STAB2: variants seen among roughly 807,000 people sequenced by gnomAD.
The protein encoded by STAB2 is stabilin-2.
In STAB2, 288 loss-of-function variants were observed where a neutral mutation model predicts 338.1. The ratio of observed to expected loss-of-function variants is 0.85; its 90% CI spans 0.77 to 0.94. The LOEUF (loss-of-function observed/expected upper bound fraction) is 0.94, where lower values mean the gene tolerates loss of function less well. STAB2 is among the 40% of genes least tolerant of loss of function. The pLI is 0.00. For synonymous variants in STAB2, 1,202 were observed against 1,193.3 expected (o/e 1.01, Z -0.15); for missense variants, 3,141 against 3,210.1 (o/e 0.98, Z 0.52).
intron 15 of STAB2, among the ~76,000 whole-genome samples, chr12:103,656,777 C>T (rs1158923220): frequency 1.3e-5 from 2 of 148,258 alleles, no homozygotes; most frequent in African/African-American, 2.5e-5. Flanking sequence ...AGCTCCGCTT[C>T]CCGGGTTCAC....
At chr12:103,627,272 A>C (rs1164417821) in intron 5 of STAB2, among the ~76,000 whole-genome samples, 1 of 152,178 alleles carries the variant, frequency 6.6e-6, no homozygotes, top group Non-Finnish European at 1.5e-5. Flanking sequence ...GTGGATCCTA[A>C]GAGTGATGAG....
At chr12:103,605,108 T>C (rs925633544) in intron 3 of STAB2, among the ~76,000 whole-genome samples, 12 of 151,922 alleles carry the variant, frequency 7.9e-5, no homozygotes, top group African/African-American at 2.9e-4. Flanking sequence ...AATCGGTTAC[T>C]TTTATGTATA....
chr12:103,707,461 A>G (rs568609639), intron 38 of STAB2, among the ~76,000 whole-genome samples: 1 of 152,372 alleles, frequency 6.6e-6, no homozygotes, highest in African/African-American at 2.4e-5. Flanking sequence ...GATGAGAGGC[A>G]GAACTGAGAA....
chr12:103,710,738 C>T (rs1244916014), intron 39 of STAB2, among the ~76,000 whole-genome samples: 1 of 152,230 alleles, frequency 6.6e-6, no homozygotes, highest in African/African-American at 2.4e-5. Context: ...CGACACAAAA[C>T]AGACCACTTT....
Position 103,695,540 on chromosome 12 carries a change from C to CT in STAB2, c.3376-4dup. 1 of 1,614,012 alleles carries CT rather than the reference C, an allele frequency of 6.2e-7. No homozygotes were observed. The highest frequency in any genetic ancestry group is 8.5e-7 in the Non-Finnish European group (1 of 1,179,968). On this transcript the variant is annotated splice_polypyrimidine_tract_variant and intron_variant, in intron 31 of 68. Transcript: ENST00000388887. The stretch of plus-strand genomic sequence containing the variant: ...ACATGCTAACAGGATTCTGGGGTTT[C>CT]TTTTTTCAGGTGCTGGTCCCACAAA...
intron 54 of STAB2, among the ~76,000 whole-genome samples, chr12:103,739,681 T>C (rs1882431629): frequency 6.6e-6 from 1 of 152,146 alleles, no homozygotes; most frequent in Admixed American, 6.5e-5. Context: ...ACCCATGTTC[T>C]AGGACCTGTC....
At chr12:103,667,480 A>G (rs1875230826) in intron 19 of STAB2, among the ~76,000 whole-genome samples, 3 of 152,242 alleles carry the variant, frequency 2.0e-5, no homozygotes, top group Non-Finnish European at 2.9e-5. Context: ...TGGCAGAACC[A>G]TGATTTGTTC....
intron 34 of STAB2, among the ~76,000 whole-genome samples, chr12:103,701,300 G>T (rs1444710924): frequency 6.6e-6 from 1 of 152,026 alleles, no homozygotes; most frequent in African/African-American, 2.4e-5. Context: ...TGTGAATAAT[G>T]CTGCAATAAA....
chr12:103,602,588 A>G (rs1260950006), intron 3 of STAB2, among the ~76,000 whole-genome samples: 1 of 152,232 alleles, frequency 6.6e-6, no homozygotes, highest in Non-Finnish European at 1.5e-5. Context: ...ATTTCTATCA[A>G]CAATGTATGA....
intron 11 of STAB2, among the ~76,000 whole-genome samples, chr12:103,651,628 TTG>T: frequency 6.6e-6 from 1 of 152,298 alleles, no homozygotes; most frequent in African/African-American, 2.4e-5. Context: ...TTGATTTTTA[TTG>T]TGTGTTCTTG....
At chr12:103,620,647 A>G in intron 4 of STAB2, 94 bp downstream of exon 4, 2 of 1,037,438 alleles carry the variant, frequency 1.9e-6, no homozygotes, top group Non-Finnish European at 2.9e-6. Flanking sequence ...ACACACACAC[A>G]CACACACGTG....
At chr12:103,660,177 A>G (rs11111705) in intron 15 of STAB2, among the ~76,000 whole-genome samples, 154 bp from the exon 16 acceptor site, 55,986 of 152,064 alleles carry the variant, frequency 0.37, 10,624 homozygotes, top group South Asian at 0.46. Context: ...GGTGAACGTT[A>G]GCTATTTGGA....
intron 5 of STAB2, among the ~76,000 whole-genome samples, chr12:103,624,714 G>C (rs1327827751): frequency 6.6e-6 from 1 of 152,148 alleles, no homozygotes; most frequent in Middle Eastern, 3.2e-3. Flanking sequence ...GCTAAAGCTG[G>C]ATCCGTTGAG....
At position 103,654,698 on chromosome 12, in the gene STAB2, G is replaced by A. The variant is rs780495423; in HGVS notation, c.1551G>A (p.Glu517=). The change falls in exon 13 of 69, where the codon GAG becomes GAA. Residue 517 remains glutamate (E), a splice_region_variant and synonymous_variant. Transcript: ENST00000388887. ...KLEPTFESNN[E]QTIMTMLQPR... ...AACCCACATTTGAGAGCAACAATGA[G>A]GTGAGTATTCAGATAAAAGTCACAT... 6 of 1,613,352 alleles carry A rather than the reference G, an allele frequency of 3.7e-6. No individual in the cohort carries two copies. In the South Asian group the frequency reaches 5.5e-5, roughly 15 times the overall value.
chr12:103,677,328 A>C (rs1359077703), intron 24 of STAB2, 125 bp from the exon 25 acceptor site: 2 of 1,323,878 alleles, frequency 1.5e-6, no homozygotes, highest in African/African-American at 2.9e-5. Flanking sequence ...TAAATTAAGC[A>C]TTTCCACCTC....
In STAB2 at chr12:103,714,331, A is replaced by G. The variant is rs375872753; in HGVS notation, c.4537+563A>G. ...GTCTGAATTTAACTGTTTAGTTAGAAAAAAATTGACATAGAAGAGTTATAC... is the reference window on the plus strand; with the variant it reads ...GTCTGAATTTAACTGTTTAGTTAGAGAAAAATTGACATAGAAGAGTTATAC... On this transcript the variant is annotated intron_variant, in intron 42 of 68. Transcript: ENST00000388887. Among the ~76,000 whole-genome samples the G allele has an allele frequency of 3.5e-4, 54 of 152,344 alleles. No individual in the cohort carries two copies. In the Middle Eastern group the frequency reaches 0.01, roughly 29 times the overall value.
rs186653758 is a variant in STAB2, at chr12:103,664,450, G to A, written c.2022+1452G>A. On this transcript the variant is annotated intron_variant, in intron 18 of 68. Transcript: ENST00000388887. ...TGAGCCACCGCCCCTGGCCAGTTCAGCCGGTTTTAATCAAAGCACCTGAAA... is the reference window on the plus strand; with the variant it reads ...TGAGCCACCGCCCCTGGCCAGTTCAACCGGTTTTAATCAAAGCACCTGAAA... Among the ~76,000 whole-genome samples the A allele has an allele frequency of 4.6e-5, 7 of 152,306 alleles. No homozygotes were observed. In the East Asian group the frequency reaches 1.4e-3, roughly 29 times the overall value.
At chr12:103,705,863 C>T in intron 37 of STAB2, 136 bp downstream of exon 37, 1 of 794,114 alleles carries the variant, frequency 1.3e-6, no homozygotes, top group Middle Eastern at 2.4e-4. Flanking sequence ...TTATCATTGT[C>T]ATCCAATGTA....
intron 65 of STAB2, 69 bp from the exon 66 acceptor site, chr12:103,761,231 C>A (rs779694466): frequency 3.4e-5 from 50 of 1,464,298 alleles, no homozygotes; most frequent in Non-Finnish European, 4.8e-5. Context: ...GAAAATTGAA[C>A]AACTTCCCTC....
Sources: allele counts gnomAD v4.1 joint callset (sites outside exome capture counted in the v4.1 genomes callset), GRCh38; gene constraint gnomAD v4.1.1; transcripts MANE v1.5; gene names NCBI Gene and HGNC (gene_info 2026-07-23, HGNC 2026-07-21).